PIK3CA: variants seen among roughly 807,000 people sequenced by gnomAD.
The protein encoded by PIK3CA is phosphatidylinositol-4,5-bisphosphate 3-kinase catalytic subunit alpha.
A neutral mutation model predicts 138.2 loss-of-function variants in PIK3CA; 27 were observed. The ratio of observed to expected loss-of-function variants is 0.20; its 90% CI spans 0.14 to 0.27. The LOEUF is 0.27. Ranked by LOEUF, PIK3CA falls within the 10% of genes least tolerant of loss-of-function variation. The pLI, the probability that PIK3CA is intolerant of heterozygous loss-of-function variation, is 1.00. For synonymous variants in PIK3CA, 358 were observed against 413.2 expected (o/e 0.87, Z 1.62); for missense variants, 544 against 1,277.4 (o/e 0.43, Z 8.75).
At chr3:179,149,389 G>A (rs1347501270) in intron 1 of PIK3CA, 1 of 152,082 alleles carries the variant, frequency 6.6e-6, no homozygotes, top group Non-Finnish European at 1.5e-5. Flanking sequence ...TTTTGACCTC[G>A]GCTCGAGGGG....
At chr3:179,159,041 G>A (rs1723209460) in intron 1 of PIK3CA, among the ~76,000 whole-genome samples, 1 of 151,922 alleles carries the variant, frequency 6.6e-6, no homozygotes, top group Non-Finnish European at 1.5e-5. Context: ...CAGGATAATA[G>A]TAAAATCTAC....
intron 9 of PIK3CA, 120 bp downstream of exon 9, chr3:179,210,685 C>A: frequency 1.1e-6 from 1 of 875,280 alleles, no homozygotes; most frequent in Non-Finnish European, 1.7e-6. Flanking sequence ...ACTCTAGGAC[C>A]AATATTGCAA....
At chr3:179,211,716 G>T (rs575591424) in intron 9 of PIK3CA, among the ~76,000 whole-genome samples, 1 of 152,152 alleles carries the variant, frequency 6.6e-6, no homozygotes, top group Admixed American at 6.5e-5. Context: ...ATCTCTACAT[G>T]AGTACTTCAT....
chr3:179,217,636 C>T (rs1724866945), intron 9 of PIK3CA, among the ~76,000 whole-genome samples: 1 of 151,856 alleles, frequency 6.6e-6, no homozygotes, highest in African/African-American at 2.4e-5. Context: ...AGGGAATATA[C>T]ATTGCTTGGA....
rs1400861611 is a variant in PIK3CA at position 179,225,990 on chromosome 3, A to G, written c.2445A>G (p.Gln815=). The part of the protein sequence containing the change: ...DDLRQDMLTL[Q]IIRIMENIWQ... ...TACGGCAAGATATGCTAACACTTCA[A>G]ATTATTCGTATTATGGAAAATATCT... The change falls in exon 17 of 21, where the codon CAA becomes CAG. Residue 815 remains glutamine (Q), a synonymous_variant. Transcript: ENST00000263967. 1.3e-5 allele frequency: 21 copies of G among 1,597,798 alleles called. No individual in the cohort carries two copies. Among genetic ancestry groups the G allele is most frequent in the Admixed American group, 5.0e-5 (3 of 59,774 alleles).
chr3:179,170,244 A>AT (rs1723527213), intron 1 of PIK3CA, among the ~76,000 whole-genome samples: 1 of 152,198 alleles, frequency 6.6e-6, no homozygotes, highest in South Asian at 2.1e-4. Flanking sequence ...ATCAATAGCT[A>AT]TTTTTTTGCC....
chr3:179,198,768 C>A lies in PIK3CA; in HGVS notation c.-58C>A. On this transcript the variant is annotated 5_prime_UTR_variant, in exon 2 of 21. Transcript: ENST00000263967. The stretch of plus-strand genomic sequence containing the variant: ...GATTTAGGTTTCTGCTTTGGGACAA[C>A]CATACATCTAATTCCTTAAAGTAGT... The A allele has an allele frequency of 1.0e-6, 1 of 957,608 alleles. No individual in the cohort carries two copies. Among genetic ancestry groups the A allele is most frequent in the Non-Finnish European group, 1.5e-6 (1 of 649,320 alleles). 59.3% of individuals were successfully genotyped at this position (957,608 alleles called of 1,614,324 possible).
intron 6 of PIK3CA, among the ~76,000 whole-genome samples, chr3:179,208,755 A>T (rs1415052469): frequency 6.6e-6 from 1 of 151,966 alleles, no homozygotes; most frequent in African/African-American, 2.4e-5. Context: ...GCAGTGTTTT[A>T]TTCTTCCCTT....
chr3:179,193,478 C>T (rs1724187720), intron 1 of PIK3CA, among the ~76,000 whole-genome samples: 1 of 152,210 alleles, frequency 6.6e-6, no homozygotes, highest in Non-Finnish European at 1.5e-5. Flanking sequence ...ATTCAGCAAC[C>T]TGGGGTTGTT....
chr3:179,197,989 G>T (rs1028358064), intron 1 of PIK3CA, among the ~76,000 whole-genome samples: 1 of 152,172 alleles, frequency 6.6e-6, no homozygotes, highest in Non-Finnish European at 1.5e-5. Flanking sequence ...TTATTTATGT[G>T]TAGATTCATT....
chr3:179,218,186 A>G (rs767394044), intron 9 of PIK3CA, 24 bp from the exon 10 acceptor site: 4 of 1,517,108 alleles, frequency 2.6e-6, no homozygotes, highest in Admixed American at 2.0e-5. Flanking sequence ...AGAAAGCTAT[A>G]TAAGATATTA....
chr3:179,198,461 A>C (rs1206238577), intron 1 of PIK3CA, among the ~76,000 whole-genome samples: 1 of 152,210 alleles, frequency 6.6e-6, no homozygotes, highest in Non-Finnish European at 1.5e-5. Context: ...CCATAGCCTC[A>C]TCTCTGTCTT....
intron 1 of PIK3CA, among the ~76,000 whole-genome samples, chr3:179,196,123 A>G (rs1447714751): frequency 6.6e-6 from 1 of 152,212 alleles, no homozygotes; most frequent in Non-Finnish European, 1.5e-5. Flanking sequence ...TGTCTACTAT[A>G]GTAACTAGGT....
chr3:179,227,807 CTT>C (rs1302116897), intron 17 of PIK3CA, among the ~76,000 whole-genome samples: 2 of 151,964 alleles, frequency 1.3e-5, no homozygotes, highest in African/African-American at 4.8e-5. Flanking sequence ...TTCATTGTCT[CTT>C]TAAATCCTCA....
At chr3:179,183,506 GT>G (rs1206051143) in intron 1 of PIK3CA, among the ~76,000 whole-genome samples, 1 of 152,138 alleles carries the variant, frequency 6.6e-6, no homozygotes, top group Non-Finnish European at 1.5e-5. Context: ...GGAAAAAGTT[GT>G]TTTGACCAAT....
intron 20 of PIK3CA, among the ~76,000 whole-genome samples, chr3:179,231,449 A>G (rs1725208597): frequency 6.6e-6 from 1 of 151,934 alleles, no homozygotes; most frequent in African/African-American, 2.4e-5. Flanking sequence ...CACCACATCC[A>G]TGTCAACATC....
At chr3:179,229,533 A>G (rs1725164488) in intron 18 of PIK3CA, 91 bp downstream of exon 18, 2 of 881,358 alleles carry the variant, frequency 2.3e-6, no homozygotes, top group Non-Finnish European at 3.3e-6. Flanking sequence ...GTTAGAACAG[A>G]GAAAACAATT....
rs776168713 is a variant in PIK3CA, at chr3:179,230,464, A to G, written c.2936+88A>G. 5.1e-6 allele frequency: 6 copies of G among 1,183,328 alleles called. No homozygotes were observed. Among genetic ancestry groups the G allele is most frequent in the Non-Finnish European group, 7.1e-6 (6 of 840,256 alleles). 73.3% of individuals were successfully genotyped at this position (1,183,328 alleles called of 1,614,324 possible). On this transcript the variant is annotated intron_variant, in intron 20 of 20. Transcript: ENST00000263967. The surrounding 1 kb of genome is among the most constrained non-coding windows in gnomAD (Gnocchi z 5.4). ...ATATTTTTCAAGCAATTTCAAAATA[A>G]TAAATGTTGGCTGGGTGTGGTGGTT...
chr3:179,193,786 G>A (rs1724195524), intron 1 of PIK3CA, among the ~76,000 whole-genome samples: 1 of 152,212 alleles, frequency 6.6e-6, no homozygotes, highest in Non-Finnish European at 1.5e-5. Context: ...TGATTTGTCA[G>A]TATGCATATG....
Sources: gnomAD v4.1 joint callset for allele counts (sites outside exome capture counted in the v4.1 genomes callset) on GRCh38, gnomAD v4.1.1 for gene constraint, Gnocchi (gnomAD v3.1) non-coding constraint, MANE v1.5 for transcripts, NCBI Gene and HGNC (gene_info 2026-07-23, HGNC 2026-07-21) for gene names.